Variants in CSMD1 observed in about 807,000 individuals in gnomAD.
The protein encoded by CSMD1 is CUB and sushi domain-containing protein 1.
A neutral mutation model predicts 417.5 loss-of-function variants in CSMD1; 213 were observed. That is an observed-to-expected ratio of 0.51 (90% CI 0.46 to 0.57). The LOEUF (loss-of-function observed/expected upper bound fraction) is 0.57. Among genes scored for constraint, CSMD1 ranks in the 20% least tolerant of loss-of-function variants. The pLI, the probability that CSMD1 is intolerant of heterozygous loss-of-function variation, is 0.00. For missense variants in CSMD1, 6,923 were observed against 4,529.7 expected (o/e 1.53, Z -15.17); for synonymous variants, 2,862 against 1,736.8 (o/e 1.65, Z -16.11).
At chr8:3,449,090 C>T (rs1263022422) in intron 12 of CSMD1, among the ~76,000 whole-genome samples, 1 of 151,706 alleles carries the variant, frequency 6.6e-6, no homozygotes, top group Non-Finnish European at 1.5e-5. Context: ...TCTTCCAATC[C>T]ATGAGTTCTA....
intron 22 of CSMD1, among the ~76,000 whole-genome samples, chr8:3,343,904 C>T (rs80013223): frequency 0.014 from 2,107 of 152,212 alleles, 44 homozygotes; most frequent in African/African-American, 0.049. Flanking sequence ...TCTGAATGCA[C>T]TAAAGGACAA....
Position 3,096,940 on chromosome 8 carries a change from C to T in CSMD1, c.7047G>A (p.Trp2349Ter). ...TGTAGTTTGGTTCCACTTTAATACTCCAAGAGCAAGTCTGGGAGTTAAAAT... is the reference window on the plus strand; with the variant it reads ...TGTAGTTTGGTTCCACTTTAATACTTCAAGAGCAAGTCTGGGAGTTAAAAT... ...GNYFNSQTCS[W>*]SIKVEPNYNI... The change falls in exon 47 of 70, where the codon TGG (tryptophan) becomes TGA (stop). Residue 2349 changes from tryptophan (W) to a stop codon, truncating the protein, a stop_gained. Coordinates refer to ENST00000635120, the MANE Select transcript of CSMD1 (RefSeq NM_033225.6). LOFTEE classifies it high-confidence loss of function. 6.4e-7 allele frequency: 1 copy of T among 1,556,008 alleles called. No homozygotes were observed. The highest frequency in any genetic ancestry group is 2.4e-5 in the East Asian group (1 of 41,646).
At chr8:3,441,486 T>G (rs934698934) in intron 12 of CSMD1, among the ~76,000 whole-genome samples, 6 of 129,234 alleles carry the variant, frequency 4.6e-5, no homozygotes, top group Non-Finnish European at 7.9e-5. Flanking sequence ...TTATGGCATA[T>G]AATTTCATAT....
intron 42 of CSMD1, among the ~76,000 whole-genome samples, chr8:3,113,919 A>C (rs953499532): frequency 1.3e-5 from 2 of 152,178 alleles, no homozygotes; most frequent in Non-Finnish European, 1.5e-5. Context: ...ATATTACATC[A>C]AATTAAAATT....
At chr8:3,644,541 A>C (rs1055992103) in intron 7 of CSMD1, among the ~76,000 whole-genome samples, 3 of 152,164 alleles carry the variant, frequency 2.0e-5, no homozygotes, top group Admixed American at 2.0e-4. Flanking sequence ...GAGGGTGAGA[A>C]AGCTAAAAAT....
intron 7 of CSMD1, among the ~76,000 whole-genome samples, chr8:3,649,684 C>G (rs947823927): frequency 6.6e-6 from 1 of 152,110 alleles, no homozygotes; most frequent in Non-Finnish European, 1.5e-5. Context: ...TGGTCTCTGC[C>G]TTGACACATG....
At chr8:3,319,470 T>A (rs1284704510) in intron 23 of CSMD1, among the ~76,000 whole-genome samples, 3 of 152,200 alleles carry the variant, frequency 2.0e-5, no homozygotes, top group African/African-American at 7.2e-5. Context: ...AGCCAATATA[T>A]AGAAAAAGGT....
chr8:4,065,274 T>G (rs140476547), intron 3 of CSMD1, among the ~76,000 whole-genome samples: 2 of 152,342 alleles, frequency 1.3e-5, no homozygotes, highest in East Asian at 3.9e-4. Flanking sequence ...ACTGACTCTG[T>G]TGGGCAGTGC....
intron 3 of CSMD1, among the ~76,000 whole-genome samples, chr8:4,073,920 T>C (rs915430054): frequency 2.6e-5 from 4 of 152,096 alleles, no homozygotes; most frequent in Non-Finnish European, 4.4e-5. Context: ...AGTCTTAATC[T>C]ATACAGACGG....
At chr8:3,408,265 T>C (rs752220102) in intron 13 of CSMD1, 40 bp from the exon 14 acceptor site, 1 of 1,470,340 alleles carries the variant, frequency 6.8e-7, no homozygotes, top group Admixed American at 2.1e-5. Flanking sequence ...GTTATGCACA[T>C]ATCCAAAGAA....
chr8:3,037,073 T>C lies in CSMD1; in HGVS notation c.7661-7560A>G, dbSNP rs1226771022. 3.3e-5 allele frequency among the ~76,000 whole-genome samples: 5 copies of C among 152,318 alleles called. No homozygotes were observed. In the East Asian group the frequency reaches 5.8e-4, roughly 18 times the overall value. On this transcript the variant is annotated intron_variant, in intron 50 of 69. Coordinates refer to ENST00000635120, the MANE Select transcript of CSMD1 (RefSeq NM_033225.6). Reference sequence around the variant, plus strand: ...CCACTTAAAAGTGAGAACATAACGATATTTGGTCTTCCATTCCTGAGTTAC... The same window carrying C: ...CCACTTAAAAGTGAGAACATAACGACATTTGGTCTTCCATTCCTGAGTTAC...
chr8:3,824,354 T>C (rs1801926565), intron 5 of CSMD1, among the ~76,000 whole-genome samples: 1 of 152,170 alleles, frequency 6.6e-6, no homozygotes, highest in Non-Finnish European at 1.5e-5. Flanking sequence ...GTGCAAAGTT[T>C]GTCAAATGAC....
intron 1 of CSMD1, among the ~76,000 whole-genome samples, chr8:4,812,011 A>C (rs1798935139): frequency 6.6e-6 from 1 of 152,210 alleles, no homozygotes; most frequent in Non-Finnish European, 1.5e-5. Flanking sequence ...ACAGCTTCCA[A>C]TTACAGCAGG....
intron 50 of CSMD1, among the ~76,000 whole-genome samples, chr8:3,039,869 G>A (rs936702129): frequency 6.6e-6 from 1 of 152,120 alleles, no homozygotes; most frequent in Non-Finnish European, 1.5e-5. Context: ...ATTCATATTA[G>A]ATTTGCCGTC....
chr8:3,069,902 T>C (rs1315369300), intron 49 of CSMD1, among the ~76,000 whole-genome samples: 1 of 152,202 alleles, frequency 6.6e-6, no homozygotes, highest in Non-Finnish European at 1.5e-5. Context: ...TACTCCAAAA[T>C]CTAGGTAGAG....
intron 26 of CSMD1, among the ~76,000 whole-genome samples, chr8:3,280,119 C>G (rs1802617348): frequency 6.6e-6 from 1 of 152,110 alleles, no homozygotes; most frequent in Non-Finnish European, 1.5e-5. Flanking sequence ...CTGACATGCC[C>G]TCCTGCCCCA....
chr8:3,126,248 C>CA (rs1817503275), intron 41 of CSMD1, among the ~76,000 whole-genome samples: 1 of 152,114 alleles, frequency 6.6e-6, no homozygotes, highest in Non-Finnish European at 1.5e-5. Flanking sequence ...TCAGTGTTGG[C>CA]ATATATTAGT....
chr8:3,932,981 C>A (rs1181467358), intron 5 of CSMD1, among the ~76,000 whole-genome samples: 1 of 147,942 alleles, frequency 6.8e-6, no homozygotes, highest in South Asian at 2.2e-4. Context: ...TTCTAATATC[C>A]TGAAAAACTT....
intron 7 of CSMD1, among the ~76,000 whole-genome samples, chr8:3,695,322 A>C (rs1202454178): frequency 6.6e-6 from 1 of 152,122 alleles, no homozygotes; most frequent in East Asian, 1.9e-4. Context: ...TTTACCAAAA[A>C]ACACTTAATT....
Sources: allele counts gnomAD v4.1 joint callset (sites outside exome capture counted in the v4.1 genomes callset), GRCh38; gene constraint gnomAD v4.1.1; transcripts MANE v1.5; gene names NCBI Gene and HGNC (gene_info 2026-07-23, HGNC 2026-07-21).